FDX2: variants seen among roughly 807,000 people sequenced by gnomAD.
The protein encoded by FDX2 is ferredoxin-2, mitochondrial.
Under a neutral mutation model 18.5 loss-of-function variants are expected in FDX2, and 13 were observed. The ratio of observed to expected loss-of-function variants is 0.70; its 90% CI spans 0.46 to 1.12. The LOEUF is 1.12. Among genes scored for constraint, FDX2 ranks in the 50% most tolerant of loss-of-function variants. The pLI, the probability that FDX2 is intolerant of heterozygous loss-of-function variation, is 0.00. For missense variants in FDX2, 238 were observed against 250.4 expected, an observed-to-expected ratio of 0.95 and a Z score of 0.34; for synonymous variants, 132 against 106.2, an observed-to-expected ratio of 1.24 and a Z score of -1.49.
chr19:10,315,151 G>A (rs912018786), intron 3 of FDX2, among the ~76,000 whole-genome samples: 10 of 152,056 alleles, frequency 6.6e-5, no homozygotes, highest in Admixed American at 2.0e-4. Flanking sequence ...AGAATACAGG[G>A]AGGAAGGGGG....
rs2040381541 is a variant in FDX2, at chr19:10,315,978, GGGCCATGGAGGC to G, written c.16_27del (p.Ala6_Ala9del). On this transcript the variant is annotated inframe_deletion, in exon 1 of 5. Transcript: ENST00000393708. ...AGAACCCTGGCACTCACGCCTCCCC[GGGCCATGGAGGC>G]GGCCATGACATGCATCACGTGACTC... The G allele has an allele frequency of 1.9e-6, 3 of 1,605,462 alleles. No individual in the cohort carries two copies. Among genetic ancestry groups the G allele is most frequent in the Non-Finnish European group, 2.5e-6 (3 of 1,177,964 alleles).
At chr19:10,315,618 G>C in intron 2 of FDX2, 87 bp downstream of exon 2, 3 of 1,517,282 alleles carry the variant, frequency 2.0e-6, no homozygotes, top group Non-Finnish European at 2.7e-6. Flanking sequence ...AGCAGAAGGG[G>C]GACCTCGAGA....
Position 10,310,352 on chromosome 19 carries a change from AG to A in FDX2, c.*133del. ...CTGGACATGGGACTCTCTCCCAAGCAGGGGTGTTGTCCTTCACAGGGGCTTC... is the reference window on the plus strand; with the variant it reads ...CTGGACATGGGACTCTCTCCCAAGCAGGGTGTTGTCCTTCACAGGGGCTTC... On this transcript the variant is annotated 3_prime_UTR_variant, in exon 5 of 5. Transcript: ENST00000393708. 8.1e-7 allele frequency: 1 copy of A among 1,231,328 alleles called. No individual in the cohort carries two copies. The highest frequency in any genetic ancestry group is 1.1e-6 in the Non-Finnish European group (1 of 883,196). 76.3% of individuals were successfully genotyped at this position (1,231,328 alleles called of 1,614,324 possible). A position where few individuals can be genotyped will look rare whatever the true frequency, so the allele number is the denominator to read the frequency against.
At chr19:10,315,618 G>T (rs2040374475) in intron 2 of FDX2, 87 bp downstream of exon 2, 2 of 1,517,164 alleles carry the variant, frequency 1.3e-6, no homozygotes, top group South Asian at 2.4e-5. Context: ...AGCAGAAGGG[G>T]GACCTCGAGA....
intron 3 of FDX2, among the ~76,000 whole-genome samples, chr19:10,312,172 ATTTTTTTTTTTTT>A (rs60538704): frequency 2.4e-5 from 2 of 82,548 alleles, no homozygotes; most frequent in East Asian, 6.8e-4. Context: ...ACCTGGCCAT[ATTTTTTTTTTTTT>A]TTTTTTTTTT....
chr19:10,312,563 C>T (rs8101365), intron 3 of FDX2, among the ~76,000 whole-genome samples: 36,549 of 151,914 alleles, frequency 0.24, 4,603 homozygotes, highest in Middle Eastern at 0.34. Context: ...GATGGAGTCC[C>T]GCTCTGTTGC....
In FDX2 at chr19:10,315,962, G is replaced by C. The variant is rs764403123; in HGVS notation, c.44C>G (p.Ala15Gly). ...CCTGGCAGCCTGCAGTAGAACCCTG[G>C]CACTCACGCCTCCCCGGGCCATGGA... The change falls in exon 1 of 5, where the codon GCC becomes GGC. Residue 15 changes from alanine to glycine, a missense_variant. Physicochemically the swap from Ala to Gly is moderately conservative, Grantham distance 60. Transcript: ENST00000393708. The C allele has an allele frequency of 6.2e-7, 1 of 1,610,610 alleles. No homozygotes were observed. Among genetic ancestry groups the C allele is most frequent in the African/African-American group, 1.3e-5 (1 of 74,752 alleles).
At chr19:10,314,271 A>G (rs1229527398) in intron 3 of FDX2, among the ~76,000 whole-genome samples, 2 of 152,228 alleles carry the variant, frequency 1.3e-5, no homozygotes, top group Non-Finnish European at 2.9e-5. Flanking sequence ...GGCATGAGCC[A>G]CTGTGCCTGG....
In FDX2 at chr19:10,310,537, G is replaced by A. The variant is rs1232853980; in HGVS notation, c.510C>T (p.Pro170=). ...CCACGTAGAAGTTCCTGGTGATCTT[G>A]GGCAGGGTGAATTCCGCTCCTTCCA... Residue 170 remains proline (P), a synonymous_variant, in exon 5 of 5, where the codon CCC becomes CCT. Coordinates refer to ENST00000393708, the MANE Select transcript of FDX2 (RefSeq NM_001031734.4). The A allele has an allele frequency of 1.2e-6, 2 of 1,614,160 alleles. No homozygotes were observed. The highest frequency in any genetic ancestry group is 1.7e-5 in the Admixed American group (1 of 60,008).
rs181668957 is a variant in FDX2, at chr19:10,310,082, T to C, written c.*404A>G. 12 of 192,436 alleles carry C rather than the reference T, an allele frequency of 6.2e-5. No individual in the cohort carries two copies. The highest frequency in any genetic ancestry group is 5.5e-4 in the South Asian group (5 of 9,108). 11.9% of individuals were successfully genotyped at this position (192,436 alleles called of 1,614,324 possible). On this transcript the variant is annotated 3_prime_UTR_variant, in exon 5 of 5. Transcript: ENST00000393708. Reference sequence around the variant, plus strand: ...TTTTTATAGAGACGAGGTCTCGCCATGTTGCCCAGGATGGTCTTAAGCTCC... The same window carrying C: ...TTTTTATAGAGACGAGGTCTCGCCACGTTGCCCAGGATGGTCTTAAGCTCC...
intron 3 of FDX2, among the ~76,000 whole-genome samples, chr19:10,311,422 G>T (rs914942827): frequency 6.6e-6 from 1 of 150,890 alleles, no homozygotes; most frequent in African/African-American, 2.4e-5. Context: ...TTTTGAGATG[G>T]AGTCTTGTTC....
Position 10,313,901 on chromosome 19 carries a change from G to A in FDX2, c.316+1485C>T, listed in dbSNP as rs193248052. 5.9e-3 allele frequency among the ~76,000 whole-genome samples: 890 copies of A among 150,186 alleles called. 4 individuals are homozygous for A. Among genetic ancestry groups the A allele is most frequent in the Non-Finnish European group, 6.3e-3 (424 of 67,616 alleles). On this transcript the variant is annotated intron_variant, in intron 3 of 4. Transcript: ENST00000393708. ...GGGTTTCACCATTTTAGCCAGGATG[G>A]TCTCTATCTCCTGACCTCGTGATCC...
At chr19:10,315,318 GGTTTTT>G (rs1250826182) in intron 3 of FDX2, 62 bp downstream of exon 3, 97 of 428,068 alleles carry the variant, frequency 2.3e-4, no homozygotes, top group Non-Finnish European at 2.5e-4. Context: ...CTAATTTGTG[GGTTTTT>G]TTTTTTTTTT....
chr19:10,315,335 TTTTG>T, intron 3 of FDX2, 47 bp downstream of exon 3: 1 of 1,076,486 alleles, frequency 9.3e-7, no homozygotes, highest in Non-Finnish European at 1.3e-6. Context: ...TTTTTTTTTT[TTTTG>T]GACAAATGTA....
chr19:10,310,564 C>T lies in FDX2; in HGVS notation c.483G>A (p.Glu161=). 2 of 1,614,140 alleles carry T rather than the reference C, an allele frequency of 1.2e-6. No homozygotes were observed. Among genetic ancestry groups the T allele is most frequent in the South Asian group, 2.2e-5 (2 of 91,088 alleles). Residue 161 remains glutamate, a synonymous_variant, in exon 5 of 5, where the codon GAG becomes GAA. Transcript: ENST00000393708. Reference sequence around the variant, plus strand: ...GCAGGGTGAATTCCGCTCCTTCCAGCTCCGGTGTCAGCACAATCTGGCAGC... The same window carrying T: ...GCAGGGTGAATTCCGCTCCTTCCAGTTCCGGTGTCAGCACAATCTGGCAGC...
Position 10,315,907 on chromosome 19 carries a change from A to G in FDX2, c.99T>C (p.Thr33=), listed in dbSNP as rs750495014. 4.0e-6 allele frequency: 6 copies of G among 1,496,684 alleles called. No homozygotes were observed. The Middle Eastern group carries it at 5.3e-4, about 133-fold the overall frequency. The allele number at this position is 1,496,684 out of a possible 1,614,324, so 92.7% of individuals were successfully genotyped here. A position where few individuals can be genotyped will look rare whatever the true frequency, so the allele number is the denominator to read the frequency against. ...GCGCCACCCCCTCCCCCGACCCGGA[A>G]GTGCCCCCAGGTCTGTTCCACCAGG... is the stretch of plus-strand genomic sequence containing the variant. Residue 33 remains threonine (T), a synonymous_variant, in exon 1 of 5, where the codon ACT becomes ACC. Transcript: ENST00000393708.
chr19:10,313,935 C>T (rs2040351160), intron 3 of FDX2, among the ~76,000 whole-genome samples: 2 of 151,098 alleles, frequency 1.3e-5, no homozygotes, highest in Admixed American at 6.6e-5. Context: ...CCGCCCGCCT[C>T]GGCCTCCCAA....
chr19:10,313,671 A>ATATATATATATATTTT (rs1361901597), intron 3 of FDX2, among the ~76,000 whole-genome samples: 1 of 45,412 alleles, frequency 2.2e-5, no homozygotes, highest in Non-Finnish European at 3.5e-5. Context: ...ATATATATAT[A>ATATATATATATATTTT]TTTTTTTTTT....
chr19:10,311,021 A>C (rs941552013), intron 3 of FDX2, 81 bp from the exon 4 acceptor site: 1 of 1,013,250 alleles, frequency 9.9e-7, no homozygotes, highest in East Asian at 2.5e-5. Flanking sequence ...AGAGGAGTAG[A>C]CCTCTCTTCC....
Sources: gnomAD v4.1 joint callset for allele counts (sites outside exome capture counted in the v4.1 genomes callset) on GRCh38, gnomAD v4.1.1 for gene constraint, MANE v1.5 for transcripts, NCBI Gene and HGNC (gene_info 2026-07-23, HGNC 2026-07-21) for gene names.